Variants in NRG3 observed in about 807,000 individuals in gnomAD.
The protein encoded by NRG3 is neuregulin 3.
NRG3 carries 31 observed loss-of-function variants against 66.9 expected under a neutral mutation model. The observed-to-expected ratio is 0.46, with a 90% CI of 0.35 to 0.63. The LOEUF is 0.63. NRG3 is among the 20% of genes least tolerant of loss of function. The pLI, the probability that NRG3 is intolerant of heterozygous loss-of-function variation, is 0.00. For missense variants in NRG3, 910 were observed against 878.9 expected, an observed-to-expected ratio of 1.04 and a Z score of -0.45; for synonymous variants, 393 against 359.4, an observed-to-expected ratio of 1.09 and a Z score of -1.06.
intron 2 of NRG3, among the ~76,000 whole-genome samples, chr10:82,393,031 G>A (rs2086489044): frequency 1.3e-5 from 2 of 152,024 alleles, no homozygotes; most frequent in African/African-American, 4.8e-5. Flanking sequence ...CTTTCTGCAG[G>A]AATGGGTTAA....
chr10:82,557,765 G>A (rs1251491383), intron 2 of NRG3, among the ~76,000 whole-genome samples: 1 of 152,132 alleles, frequency 6.6e-6, no homozygotes, highest in Non-Finnish European at 1.5e-5. Context: ...TCTAAGTCCT[G>A]TAATACGTGA....
At chr10:82,633,430 A>T (rs1366773241) in intron 2 of NRG3, among the ~76,000 whole-genome samples, 3 of 152,180 alleles carry the variant, frequency 2.0e-5, no homozygotes, top group African/African-American at 7.2e-5. Context: ...AAATCAATAG[A>T]TCATTTCAGA....
At chr10:82,530,629 T>A (rs192486116) in intron 2 of NRG3, among the ~76,000 whole-genome samples, 1 of 151,912 alleles carries the variant, frequency 6.6e-6, no homozygotes, top group Non-Finnish European at 1.5e-5. Flanking sequence ...TCCAAAGACA[T>A]GCCTTCTTGA....
chr10:82,609,382 T>A (rs977278326), intron 2 of NRG3, among the ~76,000 whole-genome samples: 6 of 152,204 alleles, frequency 3.9e-5, no homozygotes, highest in African/African-American at 1.2e-4. Context: ...ACTTAGCAAC[T>A]CTTCTAGGCA....
chr10:82,586,176 G>A (rs1164383300), intron 2 of NRG3, among the ~76,000 whole-genome samples: 2 of 151,230 alleles, frequency 1.3e-5, no homozygotes, highest in African/African-American at 4.9e-5. Flanking sequence ...TCAGCATCAT[G>A]CAATATGCCC....
chr10:82,202,501 T>TA (rs34285901), intron 1 of NRG3, among the ~76,000 whole-genome samples: 2 of 152,234 alleles, frequency 1.3e-5, no homozygotes, highest in Admixed American at 6.5e-5. Context: ...GATACCTTTT[T>TA]ACCTCCTTCG....
intron 5 of NRG3, among the ~76,000 whole-genome samples, chr10:82,958,160 A>C (rs1302704986): frequency 3.3e-5 from 5 of 152,174 alleles, no homozygotes; most frequent in Non-Finnish European, 7.3e-5. Context: ...ATGGCTTGGC[A>C]ATTCTGAGTG....
chr10:82,593,342 G>A (rs2047089305), intron 2 of NRG3, among the ~76,000 whole-genome samples: 2 of 152,176 alleles, frequency 1.3e-5, no homozygotes, highest in Admixed American at 1.3e-4. Flanking sequence ...AAAGGCTGCA[G>A]TTAATACCAA....
intron 3 of NRG3, among the ~76,000 whole-genome samples, chr10:82,790,831 T>C (rs1439429666): frequency 6.6e-6 from 1 of 151,998 alleles, no homozygotes; most frequent in Non-Finnish European, 1.5e-5. Flanking sequence ...TTCACTGTTT[T>C]TTTCCTTCTG....
At chr10:82,296,788 TTTAGA>T (rs992216082) in intron 1 of NRG3, among the ~76,000 whole-genome samples, 16 of 152,270 alleles carry the variant, frequency 1.1e-4, no homozygotes, top group African/African-American at 3.6e-4. Flanking sequence ...ATTTTTTTTT[TTTAGA>T]TTTGGGGGAT....
At chr10:82,288,501 C>T (rs2079545678) in intron 1 of NRG3, among the ~76,000 whole-genome samples, 4 of 152,140 alleles carry the variant, frequency 2.6e-5, no homozygotes, top group Admixed American at 2.6e-4. Context: ...AGGAGGCAGC[C>T]TGAACATGGG....
intron 1 of NRG3, among the ~76,000 whole-genome samples, chr10:81,965,235 A>G (rs1307039314): frequency 6.6e-6 from 1 of 152,164 alleles, no homozygotes; most frequent in Admixed American, 6.5e-5. Flanking sequence ...GATATCTGGT[A>G]AGATATCTGA....
chr10:82,492,120 C>T (rs772494325), intron 2 of NRG3, among the ~76,000 whole-genome samples: 15 of 152,240 alleles, frequency 9.9e-5, no homozygotes, highest in Middle Eastern at 3.4e-3. Flanking sequence ...AATCAATTGG[C>T]GTTTACCCAT....
At chr10:82,922,016 T>A (rs1213014950) in intron 4 of NRG3, among the ~76,000 whole-genome samples, 1 of 152,146 alleles carries the variant, frequency 6.6e-6, no homozygotes, top group African/African-American at 2.4e-5. Flanking sequence ...TAAATATAAA[T>A]CATTGTTATC....
At chr10:82,185,486 G>T (rs543060256) in intron 1 of NRG3, among the ~76,000 whole-genome samples, 1 of 152,240 alleles carries the variant, frequency 6.6e-6, no homozygotes, top group African/African-American at 2.4e-5. Flanking sequence ...GGGTAGTAAT[G>T]CTTTTGTTGA....
chr10:82,737,802 C>A (rs1459003479), intron 2 of NRG3, among the ~76,000 whole-genome samples: 1 of 152,160 alleles, frequency 6.6e-6, no homozygotes. Context: ...ATGTGAAGAC[C>A]CGACAGGGGC....
At chr10:82,379,963 A>G (rs890859103) in intron 2 of NRG3, among the ~76,000 whole-genome samples, 2 of 151,758 alleles carry the variant, frequency 1.3e-5, no homozygotes, top group African/African-American at 4.8e-5. Flanking sequence ...AAATTCAACT[A>G]CTTTTATAAT....
At chr10:82,680,890 A>G (rs1268596175) in intron 2 of NRG3, among the ~76,000 whole-genome samples, 5 of 152,188 alleles carry the variant, frequency 3.3e-5, no homozygotes, top group Non-Finnish European at 5.9e-5. Context: ...GCTCCTTGCC[A>G]AGGGATGTTA....
chr10:82,663,574 G>T (rs78188731), intron 2 of NRG3, among the ~76,000 whole-genome samples: 18,943 of 152,094 alleles, frequency 0.12, 1,281 homozygotes, highest in Admixed American at 0.17. Flanking sequence ...AAAAAAGATG[G>T]TATTCACTGA....
Sources: allele counts gnomAD v4.1 joint callset (sites outside exome capture counted in the v4.1 genomes callset), GRCh38; gene constraint gnomAD v4.1.1; transcripts MANE v1.5; gene names NCBI Gene and HGNC (gene_info 2026-07-23, HGNC 2026-07-21).